SFMBT1: variants seen among roughly 807,000 people sequenced by gnomAD.
SFMBT1 encodes the protein scm-like with four MBT domains protein 1.
A neutral mutation model predicts 108.7 loss-of-function variants in SFMBT1; 32 were observed. The ratio of observed to expected loss-of-function variants is 0.29; its 90% CI spans 0.22 to 0.40. The LOEUF is 0.40. SFMBT1 is among the 10% of genes least tolerant of loss of function. The pLI is 1.00. For missense variants in SFMBT1, 816 were observed against 1,059.6 expected (o/e 0.77, Z 3.19); for synonymous variants, 348 against 369.5 (o/e 0.94, Z 0.67).
At chr3:52,920,492 A>T (rs1224763377) in intron 12 of SFMBT1, 45 bp downstream of exon 12, 11 of 1,386,228 alleles carry the variant, frequency 7.9e-6, no homozygotes, top group Non-Finnish European at 1.0e-5. Flanking sequence ...GCCACACAGA[A>T]GATTATTTAA....
At chr3:52,940,829 G>A (rs1703157497) in intron 4 of SFMBT1, among the ~76,000 whole-genome samples, 1 of 150,242 alleles carries the variant, frequency 6.7e-6, no homozygotes, top group African/African-American at 2.5e-5. Context: ...ACCTAATCAA[G>A]TGATGGAAGT....
chr3:52,923,283 TG>T (rs1429559155), intron 10 of SFMBT1, among the ~76,000 whole-genome samples: 1 of 152,064 alleles, frequency 6.6e-6, no homozygotes, highest in African/African-American at 2.4e-5. Context: ...AAGAATAGTA[TG>T]ATATTAAAAA....
intron 2 of SFMBT1, among the ~76,000 whole-genome samples, chr3:52,968,695 G>A (rs1403300553): frequency 1.3e-5 from 2 of 150,998 alleles, no homozygotes; most frequent in Non-Finnish European, 2.9e-5. Flanking sequence ...TGCCTCCTGG[G>A]TTCACACCAT....
At chr3:52,960,430 A>G (rs954937798) in intron 2 of SFMBT1, among the ~76,000 whole-genome samples, 2 of 152,212 alleles carry the variant, frequency 1.3e-5, no homozygotes, top group African/African-American at 4.8e-5. Flanking sequence ...ATGCAAATCA[A>G]AACTACAATG....
intron 16 of SFMBT1, among the ~76,000 whole-genome samples, 185 bp from the exon 17 acceptor site, chr3:52,911,363 G>A (rs1702210403): frequency 6.6e-6 from 1 of 152,198 alleles, no homozygotes; most frequent in Admixed American, 6.5e-5. Flanking sequence ...ATTAAATCTG[G>A]TAAGCTATGA....
intron 1 of SFMBT1, among the ~76,000 whole-genome samples, chr3:53,011,653 G>GA (rs1187423505): frequency 6.6e-6 from 1 of 152,154 alleles, no homozygotes; most frequent in Non-Finnish European, 1.5e-5. Context: ...GGAAATGACA[G>GA]AAAAATCAAA....
chr3:52,930,331 T>G lies in SFMBT1; in HGVS notation c.895A>C (p.Lys299Gln). The G allele has an allele frequency of 6.3e-7, 1 of 1,582,354 alleles. No homozygotes were observed. The highest frequency in any genetic ancestry group is 2.2e-5 in the East Asian group (1 of 44,710). Residue 299 changes from lysine to glutamine, a missense_variant and splice_region_variant, in exon 8 of 21, where the codon AAG becomes CAG. Physicochemically the swap from Lys to Gln is moderately conservative, Grantham distance 53. Transcript: ENST00000394752. The part of the protein sequence containing the change: ...PFGISPATVV[K>Q]VFDEKYFLVE... The stretch of plus-strand genomic sequence containing the variant: ...CAAGAGAGTTATCTCCATTTTACCT[T>G]AACAACTGTAGCAGGAGAGATCCCA...
At chr3:53,039,760 A>C (rs2106973839) in intron 1 of SFMBT1, among the ~76,000 whole-genome samples, 1 of 152,184 alleles carries the variant, frequency 6.6e-6, no homozygotes, top group East Asian at 1.9e-4. Flanking sequence ...TCAGCTTCCC[A>C]AGCAGCTGGG....
At chr3:52,922,673 C>T (rs546630814) in intron 10 of SFMBT1, among the ~76,000 whole-genome samples, 2 of 152,318 alleles carry the variant, frequency 1.3e-5, no homozygotes, top group African/African-American at 4.8e-5. Context: ...TTGTTGAAAA[C>T]ATTTAAGAAA....
chr3:52,921,976 C>G, intron 10 of SFMBT1, 145 bp from the exon 11 acceptor site: 2 of 806,108 alleles, frequency 2.5e-6, no homozygotes, highest in Non-Finnish European at 4.0e-6. Flanking sequence ...TTTAATGAAG[C>G]AAAAGGAAAA....
At chr3:52,971,210 C>T (rs1704330498) in intron 1 of SFMBT1, among the ~76,000 whole-genome samples, 1 of 151,620 alleles carries the variant, frequency 6.6e-6, no homozygotes, top group Non-Finnish European at 1.5e-5. Context: ...ACTAGCTATG[C>T]AATCTGATAC....
chr3:53,045,931 C>G lies in SFMBT1; in HGVS notation c.-246G>C, dbSNP rs1182262211. 3 of 151,132 alleles carry G rather than the reference C, an allele frequency of 2.0e-5. No individual in the cohort carries two copies. The highest frequency in any genetic ancestry group is 2.0e-4 in the East Asian group (1 of 5,094). 9.4% of individuals were successfully genotyped at this position (151,132 alleles called of 1,614,324 possible). On this transcript the variant is annotated 5_prime_UTR_variant, in exon 1 of 21. Coordinates refer to ENST00000394752, the MANE Select transcript of SFMBT1 (RefSeq NM_016329.4). The stretch of plus-strand genomic sequence containing the variant: ...CCCCCGCGCGGAAGCTTTTTCCTCC[C>G]GTGCTGCCCGCGCTCGCCCGCTCGC...
chr3:53,002,326 G>A (rs1027831446), intron 1 of SFMBT1, among the ~76,000 whole-genome samples: 12 of 146,976 alleles, frequency 8.2e-5, no homozygotes, highest in African/African-American at 2.7e-4. Flanking sequence ...GTGAACCCGG[G>A]AGGCGAAGCT....
At chr3:52,977,692 C>T (rs1423665593) in intron 1 of SFMBT1, among the ~76,000 whole-genome samples, 1 of 151,978 alleles carries the variant, frequency 6.6e-6, no homozygotes, top group African/African-American at 2.4e-5. Context: ...ATACATATAA[C>T]CTATATCTAC....
chr3:53,033,850 A>G (rs1291513364), intron 1 of SFMBT1, among the ~76,000 whole-genome samples: 1 of 151,816 alleles, frequency 6.6e-6, no homozygotes, highest in Non-Finnish European at 1.5e-5. Context: ...CAGGCGGGTC[A>G]CCTGAGGTCA....
At chr3:52,974,308 T>C (rs1204794305) in intron 1 of SFMBT1, among the ~76,000 whole-genome samples, 1 of 152,228 alleles carries the variant, frequency 6.6e-6, no homozygotes, top group Non-Finnish European at 1.5e-5. Flanking sequence ...ATTGCAACAA[T>C]TCAGCAAATC....
rs1298933072 is a variant in SFMBT1 at position 53,022,014 on chromosome 3, T to C, written c.-131+23802A>G. 8.7e-4 allele frequency among the ~76,000 whole-genome samples: 133 copies of C among 152,172 alleles called. 2 individuals carry two copies. Among genetic ancestry groups the C allele is most frequent in the Non-Finnish European group, 1.5e-5 (1 of 68,032 alleles). ...CCAATAAAGTTTCTTCTCTCAAAGA[T>C]TCCTCACCGCTCTCTAGAATTCGTC... is the stretch of plus-strand genomic sequence containing the variant. On this transcript the variant is annotated intron_variant, in intron 1 of 20. Coordinates refer to ENST00000394752, the MANE Select transcript of SFMBT1 (RefSeq NM_016329.4).
intron 1 of SFMBT1, among the ~76,000 whole-genome samples, chr3:53,034,821 C>T (rs1366767598): frequency 6.6e-6 from 1 of 152,036 alleles, no homozygotes; most frequent in African/African-American, 2.4e-5. Context: ...TGCCTGTAAT[C>T]CCAGCTACTT....
chr3:52,913,454 T>C (rs769847926), intron 15 of SFMBT1, 24 bp downstream of exon 15: 1 of 1,600,890 alleles, frequency 6.2e-7, no homozygotes, highest in Non-Finnish European at 8.5e-7. Context: ...TTCCAAGTTA[T>C]TTTGCTCTAG....
Sources: allele counts gnomAD v4.1 joint callset (sites outside exome capture counted in the v4.1 genomes callset), GRCh38; gene constraint gnomAD v4.1.1; transcripts MANE v1.5; gene names NCBI Gene and HGNC (gene_info 2026-07-23, HGNC 2026-07-21).